The following SLC2A14 variants were observed in gnomAD, a reference collection of about 807,000 sequenced individuals.
SLC2A14 encodes the protein solute carrier family 2, facilitated glucose transporter member 14.
In SLC2A14, 13 loss-of-function variants were observed where a neutral mutation model predicts 43.0. That is an observed-to-expected ratio of 0.30 (90% CI 0.20 to 0.48). SLC2A14 has a LOEUF of 0.48. SLC2A14 is among the 20% of genes least tolerant of loss of function. SLC2A14 has a pLI of 0.99. For missense variants in SLC2A14, 428 were observed against 620.4 expected (o/e 0.69, Z 3.29); for synonymous variants, 190 against 233.8 (o/e 0.81, Z 1.71).
Position 7,831,652 on chromosome 12 carries a change from C to T in SLC2A14, c.224G>A (p.Gly75Asp). Residue 75 changes from glycine (G) to aspartate (D), a missense_variant, in exon 4 of 11, where the codon GGT (glycine) becomes GAT (aspartate). Transcript: ENST00000431042. Reference protein sequence around the residue: ...SLSVAIFSVGGMIGSFSVGLF... With the variant: ...SLSVAIFSVGDMIGSFSVGLF... The stretch of plus-strand genomic sequence containing the variant: ...TCCGACGGAAAAGGAGCCGATCATA[C>T]CCCCGACGGAAAATATGGCCACAGA... 2 of 1,614,202 alleles carry T rather than the reference C, an allele frequency of 1.2e-6. No homozygotes were observed. Among genetic ancestry groups the T allele is most frequent in the Non-Finnish European group, 1.7e-6 (2 of 1,180,044 alleles).
chr12:7,870,774 A>T (rs1592314282), intron 1 of SLC2A14: 1 of 822,984 alleles, frequency 1.2e-6, no homozygotes, highest in East Asian at 6.4e-5. Context: ...AAATAAATAT[A>T]CTTTTCAAAA....
chr12:7,870,827 A>T (rs778162517), intron 1 of SLC2A14: 6 of 1,230,336 alleles, frequency 4.9e-6, no homozygotes, highest in Non-Finnish European at 6.3e-6. Flanking sequence ...GAACCCAGTG[A>T]AGCCCCCACC....
chr12:7,873,148 C>T (rs1013543730), upstream of SLC2A14: 1 of 985,602 alleles, frequency 1.0e-6, no homozygotes, highest in African/African-American at 1.7e-5. Flanking sequence ...CAGGCGTCTT[C>T]CTGCGACCGG....
intron 9 of SLC2A14, 91 bp from the exon 10 acceptor site, chr12:7,818,125 T>G (rs10845990): frequency 0.56 from 644,493 of 1,147,904 alleles, 184,365 homozygotes; most frequent in Non-Finnish European, 0.6. Context: ...AAGCTCCTCC[T>G]GTCCTGACGT....
At position 7,814,353 on chromosome 12, in the gene SLC2A14, C is replaced by G. The variant is rs751592880; in HGVS notation, c.1457G>C (p.Ser486Thr). Residue 486 changes from serine (S) to threonine (T), a missense_variant, in exon 11 of 11, where the codon AGC becomes ACC. Physicochemically the swap from Ser to Thr is moderately conservative, Grantham distance 58 (BLOSUM62 1). Around this residue, in one of 4 missense-constraint regions of SLC2A14, gnomAD observed 119 missense variants for 188.7 expected, o/e 0.63. Coordinates refer to ENST00000431042, the MANE Select transcript of SLC2A14 (RefSeq NM_001286234.2). ...GGTGGTCTCCTTAGCAGGCTCGATGCTGTTCATCCCCATGACGCCGTCCTT... is the reference window on the plus strand; with the variant it reads ...GGTGGTCTCCTTAGCAGGCTCGATGGTGTTCATCCCCATGACGCCGTCCTT... ...SGKDGVMGMN[S>T]IEPAKETTTN... 7.5e-6 allele frequency: 12 copies of G among 1,610,160 alleles called. No individual in the cohort carries two copies. In the South Asian group the frequency reaches 1.3e-4, roughly 18 times the overall value.
chr12:7,860,064 G>C lies in SLC2A14; in HGVS notation c.18+9799C>G, dbSNP rs751943908. ...TCCAGAGCCCGTTGCTGTGGTGCTA[G>C]TAACATCCTTGGTATTACCAGAGCT... is the stretch of plus-strand genomic sequence containing the variant. On this transcript the variant is annotated intron_variant, in intron 2 of 10. Transcript: ENST00000431042. Among the ~76,000 whole-genome samples the C allele has an allele frequency of 6.6e-5, 10 of 152,306 alleles. 1 individual carries two copies. The East Asian group carries it at 1.9e-3, about 29-fold the overall frequency.
Position 7,816,325 on chromosome 12 carries a change from C to G in SLC2A14, c.1275+1506G>C, listed in dbSNP as rs1474404235. ...TTCACCTTGTTAGCCAGGATGGTCT[C>G]GATCTCCTGACCTCATGATCCACCC... is the stretch of plus-strand genomic sequence containing the variant. On this transcript the variant is annotated intron_variant, in intron 10 of 10. Transcript: ENST00000431042. Among the ~76,000 whole-genome samples the G allele has an allele frequency of 4.5e-5, 5 of 109,916 alleles. 2 individuals are homozygous for G. The East Asian group carries it at 1.4e-3, about 30-fold the overall frequency. 72.1% of individuals were successfully genotyped at this position (109,916 alleles called of 152,430 possible). A position where few individuals can be genotyped will look rare whatever the true frequency, so the allele number is the denominator to read the frequency against.
chr12:7,848,524 T>C (rs919293456), intron 2 of SLC2A14, among the ~76,000 whole-genome samples: 2 of 151,434 alleles, frequency 1.3e-5, no homozygotes, highest in African/African-American at 4.8e-5. Context: ...TCCCCGCCCA[T>C]CCTAGCCACA....
At position 7,855,703 on chromosome 12, in the gene SLC2A14, C is replaced by T. The variant is rs61922933; in HGVS notation, c.18+14160G>A. On this transcript the variant is annotated intron_variant, in intron 2 of 10. Coordinates refer to ENST00000431042, the MANE Select transcript of SLC2A14 (RefSeq NM_001286234.2). The stretch of plus-strand genomic sequence containing the variant: ...CCCAGGCTGGAGTGCAGTTGCACGG[C>T]TTCAGCTCACTGCAACCTCCGCCTC... Among the ~76,000 whole-genome samples, 108 of 151,734 alleles carry T rather than the reference C, an allele frequency of 7.1e-4. 2 individuals carry two copies. Among genetic ancestry groups the T allele is most frequent in the Non-Finnish European group, 6.8e-4 (46 of 67,868 alleles).
chr12:7,862,402 G>A (rs1047859254), intron 2 of SLC2A14, among the ~76,000 whole-genome samples: 7 of 152,030 alleles, frequency 4.6e-5, no homozygotes, highest in Non-Finnish European at 5.9e-5. Flanking sequence ...ATTTCTCGCC[G>A]GGCCTTAGCT....
chr12:7,829,590 A>T (rs1227463387), intron 5 of SLC2A14, among the ~76,000 whole-genome samples, 176 bp downstream of exon 5: 2 of 152,162 alleles, frequency 1.3e-5, no homozygotes, highest in Admixed American at 1.3e-4. Flanking sequence ...AGGAAAAAAG[A>T]AATTGTGCTT....
At chr12:7,826,091 A>G (rs1291138255) in intron 7 of SLC2A14, among the ~76,000 whole-genome samples, 1 of 152,012 alleles carries the variant, frequency 6.6e-6, no homozygotes, top group African/African-American at 2.4e-5. Context: ...GCTGCTCTGG[A>G]AAGTCTCGGG....
At chr12:7,814,783 G>T (rs925620645) in intron 10 of SLC2A14, among the ~76,000 whole-genome samples, 3 of 151,412 alleles carry the variant, frequency 2.0e-5, no homozygotes, top group African/African-American at 7.3e-5. Context: ...GAGTATTTTT[G>T]GACTTTTGAG....
In SLC2A14 at chr12:7,840,160, C is replaced by CT. The variant is rs58740298; in HGVS notation, c.19-7347dup. ...TGGGGGGACTTCAGAGAGTTTGCTC[C>CT]TTTTTTTTTTTTTTTTTTTTTTTTT... On this transcript the variant is annotated intron_variant, in intron 2 of 10. Coordinates refer to ENST00000431042, the MANE Select transcript of SLC2A14 (RefSeq NM_001286234.2). Among the ~76,000 whole-genome samples, 48 of 68,794 alleles carry CT rather than the reference C, an allele frequency of 7.0e-4. 1 individual carries two copies. The highest frequency in any genetic ancestry group is 2.2e-3 in the African/African-American group (32 of 14,720). The allele number at this position is 68,794 out of a possible 152,430, so 45.1% of individuals were successfully genotyped here.
At chr12:7,891,071 A>C (rs1360935919) in exon 1 of SLC2A14, 3 of 1,535,174 alleles carry the variant, frequency 2.0e-6, no homozygotes, top group Non-Finnish European at 2.6e-6. Flanking sequence ...GCCGCATTTC[A>C]TCTCCTTGTT....
chr12:7,876,185 G>A (rs111969076), upstream of SLC2A14, among the ~76,000 whole-genome samples: 1,735 of 149,046 alleles, frequency 0.012, 37 homozygotes, highest in African/African-American at 0.04. Context: ...GGAGGTGGAG[G>A]CAGGAGAATG....
intron 2 of SLC2A14, among the ~76,000 whole-genome samples, chr12:7,851,212 C>T (rs1454621671): frequency 6.6e-6 from 1 of 152,172 alleles, no homozygotes; most frequent in Non-Finnish European, 1.5e-5. Flanking sequence ...TCTCAGTTCT[C>T]TAATTCTAGA....
intron 2 of SLC2A14, chr12:7,860,455 G>A (rs1159668805): frequency 3.9e-5 from 6 of 152,078 alleles, no homozygotes; most frequent in East Asian, 3.8e-4. Flanking sequence ...ACAAAACTCC[G>A]GAAATACACT....
intron 8 of SLC2A14, among the ~76,000 whole-genome samples, chr12:7,820,480 T>C (rs117930536): frequency 2.0e-5 from 3 of 152,108 alleles, no homozygotes; most frequent in Admixed American, 1.3e-4. Context: ...GCTCTGATGC[T>C]ATCTCCAGGT....
Sources: allele counts gnomAD v4.1 joint callset (sites outside exome capture counted in the v4.1 genomes callset), GRCh38; gene constraint gnomAD v4.1.1; regional missense constraint gnomAD v4.1.1; transcripts MANE v1.5; gene names NCBI Gene and HGNC (gene_info 2026-07-23, HGNC 2026-07-21).